Variants in ERCC6L2 observed in about 807,000 individuals in gnomAD.
The protein encoded by ERCC6L2 is DNA excision repair protein ERCC-6-like 2.
Under a neutral mutation model 132.0 loss-of-function variants are expected in ERCC6L2, and 77 were observed. That is an observed-to-expected ratio of 0.58 (90% CI 0.49 to 0.71). The LOEUF is 0.71. Ranked by LOEUF, ERCC6L2 falls within the 30% of genes least tolerant of loss-of-function variation. The pLI, the probability that ERCC6L2 is intolerant of heterozygous loss-of-function variation, is 0.00. For synonymous variants in ERCC6L2, 583 were observed against 632.4 expected (o/e 0.92, Z 1.17); for missense variants, 1,542 against 1,837.6 (o/e 0.84, Z 2.94).
At chr9:95,899,798 AT>A (rs1430021584) in intron 3 of ERCC6L2, among the ~76,000 whole-genome samples, 2 of 152,154 alleles carry the variant, frequency 1.3e-5, no homozygotes, top group African/African-American at 4.8e-5. Flanking sequence ...TTATCCTCCC[AT>A]ATACTTTAAA....
At chr9:95,897,707 A>C in intron 2 of ERCC6L2, 142 bp from the exon 3 acceptor site, 1 of 791,290 alleles carries the variant, frequency 1.3e-6, no homozygotes, top group Admixed American at 3.0e-5. Flanking sequence ...AAAGAAAATC[A>C]GTACTAATAT....
chr9:95,915,526 G>A (rs1163923745), intron 4 of ERCC6L2, 142 bp from the exon 5 acceptor site: 1 of 786,414 alleles, frequency 1.3e-6, no homozygotes, highest in African/African-American at 1.7e-5. Flanking sequence ...TAACTAAGTG[G>A]GTAAGAATCC....
intron 17 of ERCC6L2, among the ~76,000 whole-genome samples, chr9:95,994,525 A>G (rs890837843): frequency 1.3e-5 from 2 of 152,190 alleles, no homozygotes; most frequent in African/African-American, 2.4e-5. Flanking sequence ...AGATAGATCC[A>G]TTCCACACTT....
At position 96,037,341 on chromosome 9, in the gene ERCC6L2, C is replaced by G. The variant is rs146225026; in HGVS notation, c.*1504-1535C>G. 5.6e-4 allele frequency among the ~76,000 whole-genome samples: 85 copies of G among 152,320 alleles called. 1 individual carries two copies. The highest frequency in any genetic ancestry group is 1.9e-3 in the African/African-American group (80 of 41,570). ...GAGGTAGCTGTGGTATGATCTCCAGCCAACAGATGAGGAAACAGTAGCCCA... is the reference window on the plus strand; with the variant it reads ...GAGGTAGCTGTGGTATGATCTCCAGGCAACAGATGAGGAAACAGTAGCCCA... On this transcript the variant is annotated intron_variant and NMD_transcript_variant, in intron 19 of 20. Transcript: ENST00000670016.
At chr9:95,949,681 G>A (rs1831238596) in intron 12 of ERCC6L2, among the ~76,000 whole-genome samples, 1 of 152,100 alleles carries the variant, frequency 6.6e-6, no homozygotes, top group African/African-American at 2.4e-5. Context: ...ACAGACAAAA[G>A]CTTGAGGGAG....
At chr9:96,027,177 C>T (rs979685243) in intron 19 of ERCC6L2, among the ~76,000 whole-genome samples, 7 of 112,224 alleles carry the variant, frequency 6.2e-5, no homozygotes, top group African/African-American at 1.7e-4. Context: ...CACACACACA[C>T]ACCACACACC....
intron 17 of ERCC6L2, among the ~76,000 whole-genome samples, chr9:95,992,018 G>A (rs565085756): frequency 2.0e-5 from 3 of 152,166 alleles, no homozygotes; most frequent in South Asian, 4.1e-4. Flanking sequence ...CTACATATCT[G>A]TATGAGACCA....
chr9:95,938,082 A>G (rs1201182489), intron 11 of ERCC6L2, among the ~76,000 whole-genome samples: 1 of 151,150 alleles, frequency 6.6e-6, no homozygotes, highest in African/African-American at 2.4e-5. Context: ...TGTTTGACTC[A>G]TGAGCTATTT....
At chr9:95,941,217 A>G (rs1015372268) in intron 11 of ERCC6L2, among the ~76,000 whole-genome samples, 2 of 152,106 alleles carry the variant, frequency 1.3e-5, no homozygotes, top group Admixed American at 1.3e-4. Flanking sequence ...ACCAGCACAA[A>G]CTATTTACGT....
intron 13 of ERCC6L2, among the ~76,000 whole-genome samples, chr9:95,957,881 T>TG (rs562910509): frequency 4.6e-5 from 7 of 152,088 alleles, no homozygotes; most frequent in Non-Finnish European, 7.4e-5. Context: ...TTTTTGTTTT[T>TG]TTTTTTAAAT....
At chr9:95,989,791 G>T (rs181155501) in intron 17 of ERCC6L2, among the ~76,000 whole-genome samples, 3 of 152,308 alleles carry the variant, frequency 2.0e-5, no homozygotes, top group East Asian at 1.9e-4. Flanking sequence ...TTAAATCAAG[G>T]TGCATACCAT....
intron 17 of ERCC6L2, among the ~76,000 whole-genome samples, chr9:95,990,718 C>T (rs1036451450): frequency 6.6e-6 from 1 of 152,124 alleles, no homozygotes; most frequent in African/African-American, 2.4e-5. Flanking sequence ...TGTGAGGGCC[C>T]TGCAGCAGTG....
Position 96,015,620 on chromosome 9 carries a change from C to T in ERCC6L2, c.*2417C>T, listed in dbSNP as rs1238899220. Among the ~76,000 whole-genome samples the T allele has an allele frequency of 6.8e-6, 1 of 146,154 alleles. No homozygotes were observed. The highest frequency in any genetic ancestry group is 1.5e-5 in the Non-Finnish European group (1 of 66,512). On this transcript the variant is annotated 3_prime_UTR_variant, in exon 19 of 19. Coordinates refer to ENST00000653738, the MANE Select transcript of ERCC6L2 (RefSeq NM_020207.7). ...ACTATCCTGGCTAACGCGGTGAAAC[C>T]CCGTCTCTACTAAAAAAAAAAAAAA... is the stretch of plus-strand genomic sequence containing the variant.
intron 20 of ERCC6L2, among the ~76,000 whole-genome samples, chr9:96,039,536 G>T (rs1369051023): frequency 6.6e-6 from 1 of 152,180 alleles, no homozygotes; most frequent in East Asian, 1.9e-4. Flanking sequence ...GCCAGCCAGG[G>T]TAGCCAGGGT....
chr9:95,907,318 T>A, intron 4 of ERCC6L2, 47 bp downstream of exon 4: 1 of 1,152,840 alleles, frequency 8.7e-7, no homozygotes, highest in Non-Finnish European at 1.2e-6. Flanking sequence ...ATAGTCTACT[T>A]ACATCCCTTT....
intron 6 of ERCC6L2, among the ~76,000 whole-genome samples, chr9:95,920,008 T>G (rs1475247139): frequency 2.0e-4 from 30 of 152,318 alleles, no homozygotes. Context: ...GGATTCTGAT[T>G]ATTTGAGACT....
intron 17 of ERCC6L2, among the ~76,000 whole-genome samples, chr9:95,993,709 A>G (rs986214687): frequency 6.6e-6 from 1 of 152,218 alleles, no homozygotes; most frequent in Non-Finnish European, 1.5e-5. Context: ...CAGCCAATAT[A>G]AAGTTGTCCT....
chr9:95,962,013 G>A (rs528023393), intron 13 of ERCC6L2, among the ~76,000 whole-genome samples: 50 of 151,864 alleles, frequency 3.3e-4, no homozygotes, highest in Non-Finnish European at 4.7e-4. Context: ...ACAACACATG[G>A]GAATTATGGG....
In ERCC6L2 at chr9:95,978,288, C is replaced by G. The variant is rs567608473; in HGVS notation, c.3492+73C>G. 78 of 965,658 alleles carry G rather than the reference C, an allele frequency of 8.1e-5. No homozygotes were observed. In the African/African-American group the frequency reaches 1.2e-3, roughly 15 times the overall value. The allele number at this position is 965,658 out of a possible 1,614,324, so 59.8% of individuals were successfully genotyped here. On this transcript the variant is annotated intron_variant, in intron 17 of 18. Transcript: ENST00000653738. ...CAGAAGTTACTCAATAGGATCTTCT[C>G]TAAGTACTCCCTCAAAAGTAGCAAC...
Sources: gnomAD v4.1 joint callset for allele counts (sites outside exome capture counted in the v4.1 genomes callset) on GRCh38, gnomAD v4.1.1 for gene constraint, MANE v1.5 for transcripts, NCBI Gene and HGNC (gene_info 2026-07-23, HGNC 2026-07-21) for gene names.